CREBBP: variants seen among roughly 807,000 people sequenced by gnomAD.
CREBBP encodes the protein CREB-binding protein.
Under a neutral mutation model 265.0 loss-of-function variants are expected in CREBBP, and 19 were observed. The observed-to-expected ratio is 0.07, with a 90% CI of 0.05 to 0.11. The LOEUF (loss-of-function observed/expected upper bound fraction) is 0.11, where lower values mean the gene tolerates loss of function less well. CREBBP is among the 10% of genes least tolerant of loss of function. The probability of loss-of-function intolerance (pLI) is 1.00; values close to 1 mark genes in which losing one functional copy is unlikely to be tolerated. For missense variants in CREBBP, 2,525 were observed against 3,219.0 expected, an observed-to-expected ratio of 0.78 and a Z score of 5.22; for synonymous variants, 1,457 against 1,223.7, an observed-to-expected ratio of 1.19 and a Z score of -3.98.
chr16:3,865,672 T>C (rs2055162122), intron 1 of CREBBP, among the ~76,000 whole-genome samples: 1 of 151,828 alleles, frequency 6.6e-6, no homozygotes. Context: ...GGAGTCTTGA[T>C]CTGTCGCCCA....
chr16:3,815,205 A>G (rs1406940562), intron 2 of CREBBP, among the ~76,000 whole-genome samples: 1 of 152,218 alleles, frequency 6.6e-6, no homozygotes, highest in Non-Finnish European at 1.5e-5. Flanking sequence ...TCTAACGCTA[A>G]TTAATGAAAA....
In CREBBP at chr16:3,780,241, CAAAAAAA is replaced by C. The variant is rs559038927; in HGVS notation, c.1823+484_1823+490del. Among the ~76,000 whole-genome samples the C allele has an allele frequency of 1.1e-4, 6 of 53,702 alleles. No homozygotes were observed. In the South Asian group the frequency reaches 3.5e-3, roughly 31 times the overall value. The allele number at this position is 53,702 out of a possible 152,430, so 35.2% of individuals were successfully genotyped here. A position where few individuals can be genotyped will look rare whatever the true frequency, so the allele number is the denominator to read the frequency against. ...TAAGCAACAGAGCGAGACTCTGTCT[CAAAAAAA>C]AAAAAAAAAAAAAAAGTTAACTGTT... On this transcript the variant is annotated intron_variant, in intron 8 of 30. Coordinates refer to ENST00000262367, the MANE Select transcript of CREBBP (RefSeq NM_004380.3).
intron 2 of CREBBP, among the ~76,000 whole-genome samples, chr16:3,837,028 T>C (rs1255382165): frequency 2.0e-5 from 3 of 152,374 alleles, no homozygotes; most frequent in South Asian, 2.1e-4. Context: ...TACTGGTTTA[T>C]GTATTTACTA....
At position 3,726,031 on chromosome 16, in the gene CREBBP, A is replaced by T. The variant is rs957412761; in HGVS notation, c.*1687T>A. On this transcript the variant is annotated 3_prime_UTR_variant, in exon 31 of 31. Coordinates refer to ENST00000262367, the MANE Select transcript of CREBBP (RefSeq NM_004380.3). ...ACTGGACTCCAAGGGAGGCAGGACC[A>T]TGTGGCTAAGTGCAAGTATCCCCCG... 1.1e-4 allele frequency: 26 copies of T among 233,132 alleles called. No individual in the cohort carries two copies. Among genetic ancestry groups the T allele is most frequent in the Non-Finnish European group, 1.5e-4 (18 of 118,014 alleles). The allele number at this position is 233,132 out of a possible 1,614,324, so 14.4% of individuals were successfully genotyped here.
chr16:3,880,671 C>G lies in CREBBP; in HGVS notation c.-755G>C, dbSNP rs1243180778. 1 of 146,650 alleles carries G rather than the reference C, an allele frequency of 6.8e-6. No individual in the cohort carries two copies. Among genetic ancestry groups the G allele is most frequent in the African/African-American group, 2.5e-5 (1 of 40,436 alleles). 9.1% of individuals were successfully genotyped at this position (146,650 alleles called of 1,614,324 possible). ...GCCGAGTAGATCGCGCTCGAAGCCC[C>G]GGTCGGGTCCGCGACAAGATGGCGG... On this transcript the variant is annotated 5_prime_UTR_variant, in exon 1 of 31. Coordinates refer to ENST00000262367, the MANE Select transcript of CREBBP (RefSeq NM_004380.3).
At chr16:3,777,456 C>T (rs1428454030) in intron 11 of CREBBP, among the ~76,000 whole-genome samples, 157 bp downstream of exon 11, 2 of 152,144 alleles carry the variant, frequency 1.3e-5, no homozygotes, top group Middle Eastern at 3.2e-3. Flanking sequence ...ATAAACATAT[C>T]CATACTACCT....
In CREBBP at chr16:3,729,161, G is replaced by T. The variant is rs370565083; in HGVS notation, c.5886C>A (p.Ile1962=). Residue 1962 remains isoleucine (I), a synonymous_variant, in exon 31 of 31, where the codon ATC becomes ATA. Coordinates refer to ENST00000262367, the MANE Select transcript of CREBBP (RefSeq NM_004380.3). ...PPAAVEAARQ[I]EREAQQQQHL... ...GCTGCTGCTGCTGGGCCTCACGCTCGATCTGCCGAGCCGCTTCCACCGCTG... is the reference window on the plus strand; with the variant it reads ...GCTGCTGCTGCTGGGCCTCACGCTCTATCTGCCGAGCCGCTTCCACCGCTG... 1.4e-5 allele frequency: 20 copies of T among 1,472,474 alleles called. No homozygotes were observed. Among genetic ancestry groups the T allele is most frequent in the Non-Finnish European group, 1.8e-5 (20 of 1,108,742 alleles). 91.2% of individuals were successfully genotyped at this position (1,472,474 alleles called of 1,614,324 possible).
chr16:3,733,084 C>T (rs1242284880), intron 28 of CREBBP, among the ~76,000 whole-genome samples: 2 of 151,950 alleles, frequency 1.3e-5, no homozygotes, highest in South Asian at 2.1e-4. Context: ...ACAATCCAGC[C>T]GGGCGGGGTG....
At chr16:3,741,723 T>G (rs2052213743) in intron 23 of CREBBP, 1 of 151,690 alleles carries the variant, frequency 6.6e-6, no homozygotes, top group Admixed American at 6.6e-5. Context: ...GTGGATCACC[T>G]GAGGTCAGGA....
chr16:3,853,683 T>C (rs1236006010), intron 1 of CREBBP, among the ~76,000 whole-genome samples: 43 of 152,046 alleles, frequency 2.8e-4, no homozygotes, highest in Non-Finnish European at 2.9e-5. Context: ...ATGCCTGTAA[T>C]CCCAGCACTT....
intron 2 of CREBBP, among the ~76,000 whole-genome samples, chr16:3,819,275 C>A (rs2054097927): frequency 6.6e-6 from 1 of 152,230 alleles, no homozygotes; most frequent in Non-Finnish European, 1.5e-5. Context: ...CCTCTCTGCA[C>A]CTTGGTTTTA....
At chr16:3,801,796 G>A (rs1229201245) in intron 3 of CREBBP, among the ~76,000 whole-genome samples, 1 of 152,180 alleles carries the variant, frequency 6.6e-6, no homozygotes, top group African/African-American at 2.4e-5. Context: ...TAAAATATAT[G>A]CAATATGTGT....
rs558310148 is a variant in CREBBP at position 3,753,623 on chromosome 16, A to G, written c.3699-1817T>C. Among the ~76,000 whole-genome samples, 9 of 152,266 alleles carry G rather than the reference A, an allele frequency of 5.9e-5. No homozygotes were observed. The South Asian group carries it at 1.9e-3, about 32-fold the overall frequency. Reference sequence around the variant, plus strand: ...TTCACTATTTTGTAAATATCCTAAAATCCGGTATGAAGAAGAACTTCCGTG... The same window carrying G: ...TTCACTATTTTGTAAATATCCTAAAGTCCGGTATGAAGAAGAACTTCCGTG... On this transcript the variant is annotated intron_variant, in intron 19 of 30. Transcript: ENST00000262367.
intron 21 of CREBBP, among the ~76,000 whole-genome samples, chr16:3,748,892 T>A (rs1184797429): frequency 6.6e-6 from 1 of 152,200 alleles, no homozygotes; most frequent in African/African-American, 2.4e-5. Context: ...ACGCCTGGAA[T>A]CCCAGCACTT....
At chr16:3,863,628 T>C (rs1489628856) in intron 1 of CREBBP, among the ~76,000 whole-genome samples, 1 of 152,020 alleles carries the variant, frequency 6.6e-6, no homozygotes, top group Non-Finnish European at 1.5e-5. Context: ...CAAAAAACCC[T>C]AGACAGTCCT....
chr16:3,765,296 T>G (rs2052824760), intron 16 of CREBBP, among the ~76,000 whole-genome samples: 1 of 152,182 alleles, frequency 6.6e-6, no homozygotes, highest in Admixed American at 6.5e-5. Context: ...TGTCTTTTAT[T>G]CTGTGTGATG....
intron 6 of CREBBP, among the ~76,000 whole-genome samples, chr16:3,781,776 G>A (rs754673474): frequency 6.6e-6 from 1 of 152,122 alleles, no homozygotes; most frequent in African/African-American, 2.4e-5. Context: ...TAAAGGAAAC[G>A]AAAGCTGAGA....
intron 1 of CREBBP, among the ~76,000 whole-genome samples, chr16:3,877,007 G>T (rs2141604772): frequency 6.6e-6 from 1 of 152,280 alleles, no homozygotes; most frequent in East Asian, 1.9e-4. Flanking sequence ...ACATCTAAGT[G>T]ACACTGGTGG....
chr16:3,842,953 C>T (rs1428394485), intron 2 of CREBBP, among the ~76,000 whole-genome samples: 1 of 53,888 alleles, frequency 1.9e-5, no homozygotes, highest in African/African-American at 7.1e-5. Flanking sequence ...GCAAAAAGAG[C>T]GAAACTCCCA....
Sources: allele counts gnomAD v4.1 joint callset (sites outside exome capture counted in the v4.1 genomes callset), GRCh38; gene constraint gnomAD v4.1.1; transcripts MANE v1.5; gene names NCBI Gene and HGNC (gene_info 2026-07-23, HGNC 2026-07-21).